The following VPS13B variants were observed in gnomAD, a reference collection of about 807,000 sequenced individuals.
VPS13B encodes the protein intermembrane lipid transfer protein VPS13B.
VPS13B carries 285 observed loss-of-function variants against 426.4 expected under a neutral mutation model. The observed-to-expected ratio is 0.67, with a 90% CI of 0.61 to 0.74. The LOEUF (loss-of-function observed/expected upper bound fraction) is 0.74, where lower values mean the gene tolerates loss of function less well. VPS13B is among the 30% of genes least tolerant of loss of function. The pLI is 0.00. For missense variants in VPS13B, 4,537 were observed against 4,782.6 expected, an observed-to-expected ratio of 0.95 and a Z score of 1.51; for synonymous variants, 1,676 against 1,676.4, an observed-to-expected ratio of 1.00 and a Z score of 0.01.
At chr8:99,394,145 C>T (rs1814607406) in intron 21 of VPS13B, among the ~76,000 whole-genome samples, 1 of 152,014 alleles carries the variant, frequency 6.6e-6, no homozygotes, top group Admixed American at 6.6e-5. Context: ...TTGTAAAATA[C>T]ACATTTTATT....
intron 33 of VPS13B, among the ~76,000 whole-genome samples, chr8:99,595,974 T>G (rs954607912): frequency 1.2e-4 from 18 of 151,826 alleles, no homozygotes; most frequent in African/African-American, 4.4e-4. Context: ...CCACACTGAC[T>G]AGGATGGCTA....
chr8:99,272,456 A>C (rs759310134), intron 17 of VPS13B, among the ~76,000 whole-genome samples: 3 of 152,212 alleles, frequency 2.0e-5, no homozygotes, highest in Non-Finnish European at 4.4e-5. Context: ...ACTGAATGAG[A>C]TAATGTACAT....
intron 33 of VPS13B, among the ~76,000 whole-genome samples, chr8:99,588,946 G>A (rs1308527869): frequency 6.6e-6 from 1 of 151,660 alleles, no homozygotes; most frequent in African/African-American, 2.4e-5. Flanking sequence ...ATCATAAATA[G>A]CTCTTATTAT....
chr8:99,192,592 C>G (rs1813664246), intron 16 of VPS13B, among the ~76,000 whole-genome samples: 1 of 152,254 alleles, frequency 6.6e-6, no homozygotes, highest in South Asian at 2.1e-4. Context: ...TATTTTTACT[C>G]AGGATGATTG....
chr8:99,313,074 C>CT (rs1426032457), intron 19 of VPS13B, among the ~76,000 whole-genome samples: 4 of 152,070 alleles, frequency 2.6e-5, no homozygotes, highest in Non-Finnish European at 5.9e-5. Flanking sequence ...TTCATCTAAT[C>CT]TTTTTTCAAG....
Position 99,871,440 on chromosome 8 carries a change from T to G in VPS13B, c.11496-8T>G. 6.2e-7 allele frequency: 1 copy of G among 1,614,154 alleles called. No homozygotes were observed. The highest frequency in any genetic ancestry group is 8.5e-7 in the Non-Finnish European group (1 of 1,180,042). On this transcript the variant is annotated splice_polypyrimidine_tract_variant and splice_region_variant and intron_variant, in intron 60 of 61. Coordinates refer to ENST00000357162, the MANE Select transcript of VPS13B (RefSeq NM_152564.5). The stretch of plus-strand genomic sequence containing the variant: ...GGCCCCTGGCCTCACTTTTCTCCTT[T>G]TAAACAGGAAAATGCTTCAGTCTCT...
At chr8:99,559,460 T>G (rs1446209377) in intron 31 of VPS13B, among the ~76,000 whole-genome samples, 2 of 152,204 alleles carry the variant, frequency 1.3e-5, no homozygotes, top group Admixed American at 6.5e-5. Context: ...CTTTTGGTGT[T>G]TTAGTCATGA....
At chr8:99,170,923 G>GT (rs1411763919) in intron 16 of VPS13B, among the ~76,000 whole-genome samples, 1 of 151,312 alleles carries the variant, frequency 6.6e-6, no homozygotes, top group African/African-American at 2.4e-5. Flanking sequence ...TTTTCTATTA[G>GT]TTTTTTACTA....
At chr8:99,551,343 A>G (rs1293295506) in intron 30 of VPS13B, among the ~76,000 whole-genome samples, 2 of 151,978 alleles carry the variant, frequency 1.3e-5, no homozygotes, top group Non-Finnish European at 2.9e-5. Context: ...CTTAGTATAT[A>G]TTTTTGCATA....
chr8:99,245,578 C>G (rs1490528611), intron 17 of VPS13B, among the ~76,000 whole-genome samples: 1 of 152,074 alleles, frequency 6.6e-6, no homozygotes, highest in East Asian at 1.9e-4. Context: ...ATTTATTTAT[C>G]AAGACAGAGT....
chr8:99,486,869 A>G (rs1820335658), intron 25 of VPS13B, among the ~76,000 whole-genome samples: 1 of 152,100 alleles, frequency 6.6e-6, no homozygotes, highest in Non-Finnish European at 1.5e-5. Context: ...TTGCTATCGT[A>G]TTAGAAAAAG....
At chr8:99,178,125 T>G (rs1812736594) in intron 16 of VPS13B, among the ~76,000 whole-genome samples, 2 of 152,056 alleles carry the variant, frequency 1.3e-5, no homozygotes, top group South Asian at 4.1e-4. Flanking sequence ...TTAACTGTGT[T>G]TTGATGATTT....
chr8:99,763,929 T>C (rs1811074070), intron 39 of VPS13B, among the ~76,000 whole-genome samples: 1 of 152,180 alleles, frequency 6.6e-6, no homozygotes, highest in Non-Finnish European at 1.5e-5. Context: ...AGTCACTGTT[T>C]AAAGAAAAGA....
intron 39 of VPS13B, among the ~76,000 whole-genome samples, chr8:99,726,687 T>G (rs1175830521): frequency 6.6e-6 from 1 of 152,144 alleles, no homozygotes; most frequent in Non-Finnish European, 1.5e-5. Flanking sequence ...GAAAATGCCT[T>G]TTTTAATCGA....
intron 21 of VPS13B, among the ~76,000 whole-genome samples, chr8:99,407,917 C>T (rs895099121): frequency 6.6e-6 from 1 of 152,138 alleles, no homozygotes; most frequent in African/African-American, 2.4e-5. Context: ...CTTCTAAAGA[C>T]ATGAGGAAAT....
chr8:99,223,748 G>A (rs574756619), intron 17 of VPS13B, among the ~76,000 whole-genome samples: 10 of 152,062 alleles, frequency 6.6e-5, no homozygotes, highest in Non-Finnish European at 1.2e-4. Flanking sequence ...TTTCATATGT[G>A]TATAAAATTG....
At chr8:99,784,270 C>G (rs749272875) in intron 42 of VPS13B, 45 bp from the exon 43 acceptor site, 2 of 1,612,898 alleles carry the variant, frequency 1.2e-6, no homozygotes, top group South Asian at 1.1e-5. Flanking sequence ...AAACATCTTA[C>G]AATTAATCCG....
intron 31 of VPS13B, among the ~76,000 whole-genome samples, chr8:99,560,893 T>G (rs910918436): frequency 1.3e-5 from 2 of 152,182 alleles, no homozygotes; most frequent in African/African-American, 4.8e-5. Flanking sequence ...ACAAATTCTA[T>G]CATAACAAAG....
chr8:99,717,210 A>T lies in VPS13B; in HGVS notation c.6494A>T (p.Asp2165Val), dbSNP rs766634463. The change falls in exon 37 of 62, where the codon GAT (aspartate) becomes GTT (valine). Residue 2165 changes from aspartate to valine, a missense_variant. Transcript: ENST00000357162. ...LGSSFLLSIN[D>V]FLLKTSLKER... ...TCATCATTTCTACTCAGTATAAACG[A>T]TTTTCTCCTTAAAACAAGTCTCAAA... The T allele has an allele frequency of 3.1e-6, 5 of 1,613,770 alleles. No individual in the cohort carries two copies. Among genetic ancestry groups the T allele is most frequent in the Non-Finnish European group, 4.2e-6 (5 of 1,179,906 alleles).
Sources: gnomAD v4.1 joint callset for allele counts (sites outside exome capture counted in the v4.1 genomes callset) on GRCh38, gnomAD v4.1.1 for gene constraint, MANE v1.5 for transcripts, NCBI Gene and HGNC (gene_info 2026-07-23, HGNC 2026-07-21) for gene names.